Variants in ABCA2 observed in about 807,000 individuals in gnomAD.
ABCA2 encodes ATP binding cassette subfamily A member 2.
A neutral mutation model predicts 262.8 loss-of-function variants in ABCA2; 84 were observed. The ratio of observed to expected loss-of-function variants is 0.32; its 90% CI spans 0.27 to 0.38. ABCA2 has a LOEUF of 0.38. Ranked by LOEUF, ABCA2 falls within the 10% of genes least tolerant of loss-of-function variation. ABCA2 has a pLI of 1.00. For synonymous variants in ABCA2, 1,696 were observed against 1,502.9 expected (o/e 1.13, Z -2.97); for missense variants, 2,662 against 3,405.9 (o/e 0.78, Z 5.44).
chr9:137,013,065 G>A lies in ABCA2; in HGVS notation c.4804C>T (p.Pro1602Ser), dbSNP rs1300009532. The A allele has an allele frequency of 9.0e-6, 14 of 1,561,612 alleles. No homozygotes were observed. In the African/African-American group the frequency reaches 1.9e-4, roughly 21 times the overall value. The part of the protein sequence containing the change: ...PPPSPAPSDS[P>S]ASPDEDLQAW... ...TGCAGGTCCTCATCCGGGGACGCTG[G>A]CGAGTCAGATGGGGCGGGCGAGGGT... The change falls in exon 30 of 49, where the codon CCA (proline) becomes TCA (serine). Residue 1602 changes from proline to serine, a missense_variant. By Grantham distance (74) the Pro-to-Ser change is moderately conservative. Coordinates refer to ENST00000341511, the MANE Select transcript of ABCA2 (RefSeq NM_001606.5).
In ABCA2 at chr9:137,010,069, C is replaced by T. The variant is rs375977301; in HGVS notation, c.6409G>A (p.Asp2137Asn). 65 of 1,600,888 alleles carry T rather than the reference C, an allele frequency of 4.1e-5. No homozygotes were observed. The African/African-American group carries it at 6.7e-4, about 16-fold the overall frequency. Reference sequence around the variant, plus strand: ...GCCGTGAGCTCGTCGAACAGCGCGTCACACTGCGGGCAGTAGCCGAGGCTC... The same window carrying T: ...GCCGTGAGCTCGTCGAACAGCGCGTTACACTGCGGGCAGTAGCCGAGGCTC... ...QQSLGYCPQC[D>N]ALFDELTARE... Residue 2137 changes from aspartate (D) to asparagine (N), a missense_variant, in exon 42 of 49, where the codon GAC (aspartate) becomes AAC (asparagine). Coordinates refer to ENST00000341511, the MANE Select transcript of ABCA2 (RefSeq NM_001606.5).
At position 137,008,617 on chromosome 9, in the gene ABCA2, G is replaced by T; in HGVS notation, c.7074C>A (p.Phe2358Leu). 1 of 1,530,884 alleles carries T rather than the reference G, an allele frequency of 6.5e-7. No individual in the cohort carries two copies. The highest frequency in any genetic ancestry group is 1.1e-5 in the South Asian group (1 of 89,068). The allele number at this position is 1,530,884 out of a possible 1,614,324, so 94.8% of individuals were successfully genotyped here. Reference protein sequence around the residue: ...SVSQTTLDNVFVNFAKKQSDN... With the variant: ...SVSQTTLDNVLVNFAKKQSDN... ...CACTCTGCTTCTTGGCAAAGTTCAC[G>T]AACACCTGGTGGGTGGCGCAGGCGT... The change falls in exon 48 of 49, where the codon TTC becomes TTA. Residue 2358 changes from phenylalanine (F) to leucine (L), a missense_variant. Phe to Leu is a conservative substitution (Grantham distance 22). Transcript: ENST00000341511.
intron 32 of ABCA2, 24 bp downstream of exon 32, chr9:137,012,461 G>C: frequency 6.2e-7 from 1 of 1,610,198 alleles, no homozygotes; most frequent in Non-Finnish European, 8.5e-7. Flanking sequence ...ACACAGCGGG[G>C]CCCAGGCCCG....
intron 6 of ABCA2, 58 bp downstream of exon 6, chr9:137,022,292 CA>C (rs1413952805): frequency 2.0e-6 from 3 of 1,511,852 alleles, no homozygotes; most frequent in Non-Finnish European, 2.7e-6. Flanking sequence ...GCTCAGCAAC[CA>C]GGGGGCGTGG....
rs1008755534 is a variant in ABCA2 at position 137,007,520 on chromosome 9, C to A, written c.*409G>T. ...AATAAATACGGGACTGACCCAGCTC[C>A]GCCCACAGCCCGCTCTCGGCATCAG... On this transcript the variant is annotated 3_prime_UTR_variant, in exon 49 of 49. Transcript: ENST00000341511. 1 of 260,820 alleles carries A rather than the reference C, an allele frequency of 3.8e-6. No homozygotes were observed. The highest frequency in any genetic ancestry group is 2.3e-5 in the African/African-American group (1 of 43,446). The allele number at this position is 260,820 out of a possible 1,614,324, so 16.2% of individuals were successfully genotyped here.
chr9:137,014,820 C>T lies in ABCA2; in HGVS notation c.3883-10G>A, dbSNP rs367925807. Reference sequence around the variant, plus strand: ...GGCTGCGCTCCAGGTGCTGCAGGGGCGGTGGAGGGGGAGGCTGCGGCAGGG... The same window carrying T: ...GGCTGCGCTCCAGGTGCTGCAGGGGTGGTGGAGGGGGAGGCTGCGGCAGGG... On this transcript the variant is annotated splice_polypyrimidine_tract_variant and intron_variant, in intron 25 of 48. Transcript: ENST00000341511. The T allele has an allele frequency of 1.2e-5, 19 of 1,596,680 alleles. No individual in the cohort carries two copies. The highest frequency in any genetic ancestry group is 1.4e-5 in the Non-Finnish European group (17 of 1,172,590).
Position 137,014,335 on chromosome 9 carries a change from C to A in ABCA2, c.4073G>T (p.Gly1358Val). ...CAGCTCCGAGCACCGGGCCAGATTGCCAGCGTGACCCTCCCCAGACGCCGG... is the reference window on the plus strand; with the variant it reads ...CAGCTCCGAGCACCGGGCCAGATTGACAGCGTGACCCTCCCCAGACGCCGG... ...EGPASGEGHA[G>V]NLARCSELTQ... The change falls in exon 27 of 49, where the codon GGC becomes GTC. Residue 1358 changes from glycine to valine, a missense_variant. Physicochemically the swap from Gly to Val is moderately radical, Grantham distance 109. This residue lies in a region of ABCA2 where 297 missense variants were observed against 286.5 expected (regional missense o/e 1.04). Transcript: ENST00000341511. The A allele has an allele frequency of 6.2e-7, 1 of 1,607,286 alleles. No homozygotes were observed. The highest frequency in any genetic ancestry group is 8.5e-7 in the Non-Finnish European group (1 of 1,177,568).
chr9:137,015,992 G>C lies in ABCA2; in HGVS notation c.3287C>G (p.Ala1096Gly). Reference sequence around the variant, plus strand: ...CATCTCTCTGCGGATCTCCTCCTGAGCCATGCTCTTGAGCCGTGAGTAGAA... The same window carrying C: ...CATCTCTCTGCGGATCTCCTCCTGACCCATGCTCTTGAGCCGTGAGTAGAA... ...LWFYSRLKSM[A>G]QEEIRREMDK... The change falls in exon 22 of 49, where the codon GCT becomes GGT. Residue 1096 changes from alanine (A) to glycine (G), a missense_variant. Around this residue, in one of 12 missense-constraint regions of ABCA2, gnomAD observed 180 missense variants for 307.3 expected, o/e 0.59. Transcript: ENST00000341511. 1 of 1,602,632 alleles carries C rather than the reference G, an allele frequency of 6.2e-7. No homozygotes were observed. The highest frequency in any genetic ancestry group is 8.5e-7 in the Non-Finnish European group (1 of 1,176,552).
At chr9:137,008,900 G>GCCCCCCCCCCCCCCCAGCGCCCCCCCCC in intron 46 of ABCA2, 32 bp from the exon 47 acceptor site, 1 of 1,535,934 alleles carries the variant, frequency 6.5e-7, no homozygotes, top group Non-Finnish European at 8.8e-7. Context: ...GCCTGGCAGC[G>GCCCCCCCCCCCCCCCAGCGCCCCCCCCC]CCCCCCCACC....
chr9:137,011,382 C>T lies in ABCA2; in HGVS notation c.5799+25G>A, dbSNP rs773425982. The T allele has an allele frequency of 1.2e-6, 2 of 1,608,488 alleles. No individual in the cohort carries two copies. Among genetic ancestry groups the T allele is most frequent in the African/African-American group, 1.3e-5 (1 of 74,968 alleles). On this transcript the variant is annotated intron_variant, in intron 37 of 48. Transcript: ENST00000341511. This position sits in a 1 kb window ranked among gnomAD's most constrained non-coding sequence, Gnocchi z 8.8. Reference sequence around the variant, plus strand: ...GCACAGCCTCCGCAGGGTCCGCCACCCCCACCATGTCGTCACCGCCCCACC... The same window carrying T: ...GCACAGCCTCCGCAGGGTCCGCCACTCCCACCATGTCGTCACCGCCCCACC...
In ABCA2 at chr9:137,014,628, C is replaced by T. The variant is rs780047251; in HGVS notation, c.4003+62G>A. On this transcript the variant is annotated intron_variant, in intron 26 of 48. Transcript: ENST00000341511. ...CCCAGACACCAGGCAGGAGTGACAG[C>T]GCAGGCCCGAGCTGGGGCCTTGTGG... is the stretch of plus-strand genomic sequence containing the variant. The T allele has an allele frequency of 4.1e-5, 64 of 1,559,784 alleles. No individual in the cohort carries two copies. The Middle Eastern group carries it at 5.1e-4, about 12-fold the overall frequency.
At chr9:137,008,251 T>C in intron 48 of ABCA2, 165 bp downstream of exon 48, 4 of 885,156 alleles carry the variant, frequency 4.5e-6, no homozygotes, top group Admixed American at 2.0e-5. Context: ...GTTACGTCTC[T>C]CCAGGCCTAT....
At position 137,015,421 on chromosome 9, in the gene ABCA2, G is replaced by A; in HGVS notation, c.3690C>T (p.Gly1230=). The part of the protein sequence containing the change: ...TLVKRPAEPG[G]PQEPGLASSP... The stretch of plus-strand genomic sequence containing the variant: ...GGCAGCTTCAACACAGACCTTGGGG[G>A]CCCCCCGGCTCGGCGGGCCGCTTGA... The change falls in exon 24 of 49, where the codon GGC becomes GGT. Residue 1230 remains glycine (G), a synonymous_variant. Coordinates refer to ENST00000341511, the MANE Select transcript of ABCA2 (RefSeq NM_001606.5). The A allele has an allele frequency of 1.3e-6, 2 of 1,562,684 alleles. No homozygotes were observed. The highest frequency in any genetic ancestry group is 1.2e-5 in the South Asian group (1 of 85,596).
intron 1 of ABCA2, among the ~76,000 whole-genome samples, chr9:137,026,635 G>T (rs544557437): frequency 1.3e-5 from 2 of 152,134 alleles, no homozygotes; most frequent in South Asian, 2.1e-4. Context: ...TCACTCTTGC[G>T]GTCAGGACAG....
In ABCA2 at chr9:137,010,603, A is replaced by AAAAACCCCCACCCCCCC; in HGVS notation, c.6174+16_6174+17insGGGGGGGTGGGGGTTTT. On this transcript the variant is annotated intron_variant, in intron 40 of 48. Coordinates refer to ENST00000341511, the MANE Select transcript of ABCA2 (RefSeq NM_001606.5). ...GCCTACCCCACCCAGGCCCCACCCT[A>AAAAACCCCCACCCCCCC]CATGCCCAGAGCCCACCTTGGTCAG... The AAAAACCCCCACCCCCCC allele has an allele frequency of 6.9e-7, 1 of 1,448,024 alleles. No individual in the cohort carries two copies. The highest frequency in any genetic ancestry group is 9.4e-7 in the Non-Finnish European group (1 of 1,066,922). 89.7% of individuals were successfully genotyped at this position (1,448,024 alleles called of 1,614,324 possible).
At chr9:137,023,396 A>C (rs778113943) in intron 3 of ABCA2, 5 of 708,742 alleles carry the variant, frequency 7.1e-6, no homozygotes, top group Admixed American at 1.8e-5. Flanking sequence ...TACAGAGCCC[A>C]GGGGAGGACA....
chr9:137,013,372 C>T (rs1831138020), intron 29 of ABCA2, 54 bp from the exon 30 acceptor site: 5 of 1,526,956 alleles, frequency 3.3e-6, no homozygotes, highest in Admixed American at 2.0e-5. Flanking sequence ...CCTCGCCAGC[C>T]CCGCCCCCTC....
chr9:137,016,897 G>A (rs1831277473), intron 19 of ABCA2, 23 bp downstream of exon 19: 1 of 1,607,860 alleles, frequency 6.2e-7, no homozygotes, highest in Non-Finnish European at 8.5e-7. Context: ...CCTCTCCCCT[G>A]CCCTCCAAGG....
In ABCA2 at chr9:137,022,391, G is replaced by C; in HGVS notation, c.527C>G (p.Thr176Arg). 1.9e-6 allele frequency: 3 copies of C among 1,611,276 alleles called. No individual in the cohort carries two copies. The highest frequency in any genetic ancestry group is 2.5e-6 in the Non-Finnish European group (3 of 1,179,446). Reference protein sequence around the residue: ...LTQNLSLPNSTAQALLAARVD... With the variant: ...LTQNLSLPNSRAQALLAARVD... ...ACGGGCGGCCAAGAGTGCTTGGGCC[G>C]TGCTATTGGGCAGCGACAAGTTTTG... Residue 176 changes from threonine (T) to arginine (R), a missense_variant, in exon 6 of 49, where the codon ACG (threonine) becomes AGG (arginine). This residue lies in a region of ABCA2 where 403 missense variants were observed against 375.9 expected (regional missense o/e 1.07). Coordinates refer to ENST00000341511, the MANE Select transcript of ABCA2 (RefSeq NM_001606.5).
Sources: allele counts gnomAD v4.1 joint callset (sites outside exome capture counted in the v4.1 genomes callset), GRCh38; gene constraint gnomAD v4.1.1; regional missense constraint gnomAD v4.1.1; non-coding constraint Gnocchi (gnomAD v3.1); transcripts MANE v1.5; gene names NCBI Gene and HGNC (gene_info 2026-07-23, HGNC 2026-07-21).